RCAN1: variants seen among roughly 807,000 people sequenced by gnomAD.
RCAN1 encodes the protein regulator of calcineurin 1.
Under a neutral mutation model 22.9 loss-of-function variants are expected in RCAN1, and 11 were observed. The observed-to-expected ratio is 0.48, with a 90% CI of 0.30 to 0.79. The LOEUF is 0.79. Ranked by LOEUF, RCAN1 falls within the 30% of genes least tolerant of loss-of-function variation. The pLI, the probability that RCAN1 is intolerant of heterozygous loss-of-function variation, is 0.06. For synonymous variants in RCAN1, 136 were observed against 142.3 expected, an observed-to-expected ratio of 0.96 and a Z score of 0.32; for missense variants, 291 against 337.8, an observed-to-expected ratio of 0.86 and a Z score of 1.09.
At chr21:34,539,784 A>C (rs1489960463) in intron 1 of RCAN1, among the ~76,000 whole-genome samples, 3 of 152,224 alleles carry the variant, frequency 2.0e-5, no homozygotes, top group Non-Finnish European at 4.4e-5. Flanking sequence ...AACATTTTGG[A>C]GTGCTAGTTA....
intron 1 of RCAN1, among the ~76,000 whole-genome samples, chr21:34,529,537 A>G (rs1413291100): frequency 3.9e-5 from 6 of 152,226 alleles, no homozygotes; most frequent in Admixed American, 3.3e-4. Context: ...GTGAACTTGC[A>G]TTTCTAAAGG....
intron 1 of RCAN1, among the ~76,000 whole-genome samples, chr21:34,552,672 TAA>T (rs3216562): frequency 1.3e-5 from 2 of 148,312 alleles, no homozygotes; most frequent in African/African-American, 2.5e-5. Context: ...ATGTGCCTAT[TAA>T]AAAAAAAAAC....
intron 1 of RCAN1, among the ~76,000 whole-genome samples, chr21:34,600,212 A>G (rs756743228): frequency 6.6e-6 from 1 of 152,082 alleles, no homozygotes; most frequent in Non-Finnish European, 1.5e-5. Context: ...AGTTCATTTA[A>G]TTAAAAGCAC....
intron 1 of RCAN1, among the ~76,000 whole-genome samples, chr21:34,536,778 A>G (rs1175298099): frequency 6.6e-6 from 1 of 152,190 alleles, no homozygotes; most frequent in Admixed American, 6.5e-5. Context: ...ACTCTTCAAT[A>G]AAGACAGAAA....
chr21:34,600,460 G>T (rs921424178), intron 1 of RCAN1, among the ~76,000 whole-genome samples: 1 of 152,100 alleles, frequency 6.6e-6, no homozygotes, highest in African/African-American at 2.4e-5. Context: ...CCTCTAAAAG[G>T]CATTCTAGGA....
At chr21:34,546,517 C>A (rs1254554798) in intron 1 of RCAN1, among the ~76,000 whole-genome samples, 2 of 152,178 alleles carry the variant, frequency 1.3e-5, no homozygotes, top group Admixed American at 6.5e-5. Flanking sequence ...GTACACAACT[C>A]CCCTCTATTT....
chr21:34,540,700 C>A (rs1232503060), intron 1 of RCAN1, among the ~76,000 whole-genome samples: 1 of 152,112 alleles, frequency 6.6e-6, no homozygotes, highest in African/African-American at 2.4e-5. Flanking sequence ...AAAAAGCTCA[C>A]AGTGGGCCAG....
intron 2 of RCAN1, chr21:34,522,263 T>A (rs755397949): frequency 6.6e-6 from 1 of 151,834 alleles, no homozygotes; most frequent in Non-Finnish European, 1.5e-5. Context: ...GATCCTAGTT[T>A]GGTTTTAGAA....
intron 1 of RCAN1, among the ~76,000 whole-genome samples, chr21:34,579,975 G>A (rs189098565): frequency 6.6e-6 from 1 of 152,322 alleles, no homozygotes; most frequent in East Asian, 1.9e-4. Context: ...TAGGGCTGCT[G>A]AGAATCCACA....
At chr21:34,571,130 C>A (rs1302193401) in intron 1 of RCAN1, among the ~76,000 whole-genome samples, 1 of 152,050 alleles carries the variant, frequency 6.6e-6, no homozygotes, top group African/African-American at 2.4e-5. Flanking sequence ...CTCATCTCTA[C>A]TAAAAATACA....
chr21:34,591,461 C>T (rs950330562), intron 1 of RCAN1, among the ~76,000 whole-genome samples: 2 of 152,072 alleles, frequency 1.3e-5, no homozygotes, highest in African/African-American at 4.8e-5. Context: ...AAGCATGGGC[C>T]CTGGGGGGGA....
intron 1 of RCAN1, chr21:34,559,758 T>A (rs1318054878): frequency 6.6e-6 from 1 of 152,232 alleles, no homozygotes; most frequent in Non-Finnish European, 1.5e-5. Context: ...AGGTGTTAAC[T>A]ATCCTTACCT....
chr21:34,564,208 A>T (rs1013919599), intron 1 of RCAN1, among the ~76,000 whole-genome samples: 1 of 152,148 alleles, frequency 6.6e-6, no homozygotes, highest in East Asian at 1.9e-4. Flanking sequence ...CGTCCCCACG[A>T]TCTGACCACC....
rs376632729 is a variant in RCAN1, at chr21:34,535,860, T to C, written c.253-12150A>G. 1.4e-3 allele frequency among the ~76,000 whole-genome samples: 205 copies of C among 147,652 alleles called. 2 individuals are homozygous for C. The highest frequency in any genetic ancestry group is 4.9e-3 in the African/African-American group (195 of 39,652). The stretch of plus-strand genomic sequence containing the variant: ...TTTTTTAGCAGAATGGTGATCATGA[T>C]CTGTTAACACAGTAGAAACAAAAAA... On this transcript the variant is annotated intron_variant, in intron 1 of 3. Coordinates refer to ENST00000313806, the MANE Select transcript of RCAN1 (RefSeq NM_004414.7).
At chr21:34,537,589 C>T (rs895184881) in intron 1 of RCAN1, among the ~76,000 whole-genome samples, 22 of 152,190 alleles carry the variant, frequency 1.4e-4, no homozygotes, top group African/African-American at 4.3e-4. Flanking sequence ...GTGGTCTACT[C>T]GCCCCTCCAC....
chr21:34,577,097 C>T (rs1987433062), intron 1 of RCAN1, among the ~76,000 whole-genome samples: 1 of 152,146 alleles, frequency 6.6e-6, no homozygotes. Flanking sequence ...CCTACGGTGC[C>T]CTGTGTCCTG....
At chr21:34,526,602 A>G in intron 1 of RCAN1, 1 of 1,503,364 alleles carries the variant, frequency 6.7e-7, no homozygotes, top group Middle Eastern at 2.0e-4. Flanking sequence ...TTCAGTTAAT[A>G]GTCCCAGTTA....
rs898498023 is a variant in RCAN1 at position 34,517,163 on chromosome 21, G to A, written c.*921C>T. The A allele has an allele frequency of 2.6e-5, 4 of 152,160 alleles. No individual in the cohort carries two copies. Among genetic ancestry groups the A allele is most frequent in the African/African-American group, 9.7e-5 (4 of 41,428 alleles). The allele number at this position is 152,160 out of a possible 1,614,324, so 9.4% of individuals were successfully genotyped here. A position where few individuals can be genotyped will look rare whatever the true frequency, so the allele number is the denominator to read the frequency against. ...AAAGAACCAACTATCTCAACCAACAGTTTCCAAAAAAGTTTTTGGCTATGA... is the reference window on the plus strand; with the variant it reads ...AAAGAACCAACTATCTCAACCAACAATTTCCAAAAAAGTTTTTGGCTATGA... On this transcript the variant is annotated 3_prime_UTR_variant, in exon 4 of 4. Coordinates refer to ENST00000313806, the MANE Select transcript of RCAN1 (RefSeq NM_004414.7).
chr21:34,526,715 G>A (rs1357563986), intron 1 of RCAN1: 1 of 1,613,736 alleles, frequency 6.2e-7, no homozygotes, highest in Middle Eastern at 1.7e-4. Flanking sequence ...GGCAATCAGG[G>A]AGCTAAAACT....
Sources: gnomAD v4.1 joint callset for allele counts (sites outside exome capture counted in the v4.1 genomes callset) on GRCh38, gnomAD v4.1.1 for gene constraint, MANE v1.5 for transcripts, NCBI Gene and HGNC (gene_info 2026-07-23, HGNC 2026-07-21) for gene names.